TIAM1: variants seen among roughly 807,000 people sequenced by gnomAD.
TIAM1 encodes rho guanine nucleotide exchange factor TIAM1.
Under a neutral mutation model 163.5 loss-of-function variants are expected in TIAM1, and 65 were observed. The ratio of observed to expected loss-of-function variants is 0.40; its 90% CI spans 0.33 to 0.49. The LOEUF (loss-of-function observed/expected upper bound fraction) is 0.49, where lower values mean the gene tolerates loss of function less well. Among genes scored for constraint, TIAM1 ranks in the 20% least tolerant of loss-of-function variants. The pLI, the probability that TIAM1 is intolerant of heterozygous loss-of-function variation, is 0.77. For synonymous variants in TIAM1, 833 were observed against 810.1 expected (o/e 1.03, Z -0.48); for missense variants, 1,789 against 2,044.7 (o/e 0.87, Z 2.41).
chr21:31,365,431 C>T (rs1379646774), intron 2 of TIAM1, among the ~76,000 whole-genome samples: 1 of 148,570 alleles, frequency 6.7e-6, no homozygotes, highest in Non-Finnish European at 1.5e-5. Flanking sequence ...CTCTGTCGCC[C>T]AGGCTGGAGT....
intron 1 of TIAM1, among the ~76,000 whole-genome samples, chr21:31,490,951 C>T (rs1432894730): frequency 5.9e-5 from 9 of 152,092 alleles, no homozygotes; most frequent in Admixed American, 5.9e-4. Flanking sequence ...ATGGTGAAAC[C>T]CCGTCTCTAC....
chr21:31,502,429 C>T (rs1260820618), intron 1 of TIAM1, among the ~76,000 whole-genome samples: 1 of 152,128 alleles, frequency 6.6e-6, no homozygotes, highest in Non-Finnish European at 1.5e-5. Context: ...TAAGCCACCG[C>T]ACCCAGCCTG....
At chr21:31,375,505 T>A (rs1053114837) in intron 2 of TIAM1, among the ~76,000 whole-genome samples, 9 of 83,914 alleles carry the variant, frequency 1.1e-4, no homozygotes, top group Admixed American at 3.9e-4. Flanking sequence ...TTTCTGTTTT[T>A]TCAACTTCCC....
chr21:31,128,669 A>G (rs73191634), intron 25 of TIAM1, among the ~76,000 whole-genome samples: 4,753 of 152,288 alleles, frequency 0.031, 98 homozygotes, highest in Middle Eastern at 0.071. Flanking sequence ...TATATAAATC[A>G]ATTTTGCAAA....
At chr21:31,173,376 C>G (rs1262282409) in intron 15 of TIAM1, among the ~76,000 whole-genome samples, 1 of 152,110 alleles carries the variant, frequency 6.6e-6, no homozygotes, top group Non-Finnish European at 1.5e-5. Context: ...AGCTGGAACT[C>G]AACTGTTAGG....
chr21:31,415,187 A>C (rs1677035639), intron 2 of TIAM1, among the ~76,000 whole-genome samples: 1 of 152,226 alleles, frequency 6.6e-6, no homozygotes, highest in Non-Finnish European at 1.5e-5. Flanking sequence ...AAATCCCACT[A>C]TCCCATATAA....
At position 31,261,277 on chromosome 21, in the gene TIAM1, T is replaced by C. The variant is rs190721848; in HGVS notation, c.963+4733A>G. On this transcript the variant is annotated intron_variant, in intron 4 of 27. Coordinates refer to ENST00000541036, the MANE Select transcript of TIAM1 (RefSeq NM_001353694.2). ...CAGCCAAGTCCTTTTTTTTTTTTTT[T>C]GTATCTGTACCAAAATTGAGGGTTT... is the stretch of plus-strand genomic sequence containing the variant. Among the ~76,000 whole-genome samples, 472 of 150,982 alleles carry C rather than the reference T, an allele frequency of 3.1e-3. 3 individuals are homozygous for C. The highest frequency in any genetic ancestry group is 0.01 in the African/African-American group (423 of 40,668).
At chr21:31,210,572 A>AAAAGAAGGAAGGAAGGG (rs2086685294) in intron 10 of TIAM1, among the ~76,000 whole-genome samples, 7 of 121,780 alleles carry the variant, frequency 5.7e-5, no homozygotes, top group African/African-American at 2.8e-4. Flanking sequence ...GAAAGAAAGA[A>AAAAGAAGGAAGGAAGGG]AGAAAGAAAG....
intron 2 of TIAM1, among the ~76,000 whole-genome samples, chr21:31,392,994 T>C (rs1191433756): frequency 6.6e-6 from 1 of 151,472 alleles, no homozygotes; most frequent in East Asian, 1.9e-4. Flanking sequence ...CTCACTCTGT[T>C]GCCCGGGCTA....
intron 2 of TIAM1, among the ~76,000 whole-genome samples, chr21:31,460,728 CAA>C (rs1387982489): frequency 2.0e-5 from 3 of 152,234 alleles, no homozygotes; most frequent in African/African-American, 7.2e-5. Context: ...CTTCACACTT[CAA>C]AGACTGTTAA....
intron 1 of TIAM1, among the ~76,000 whole-genome samples, chr21:31,517,132 G>A (rs2047412165): frequency 6.6e-6 from 1 of 151,844 alleles, no homozygotes; most frequent in African/African-American, 2.4e-5. Flanking sequence ...CAAGCACTAT[G>A]TCAGGGTCTT....
At position 31,215,656 on chromosome 21, in the gene TIAM1, T is replaced by G. The variant is rs115168583; in HGVS notation, c.2142+1897A>C. 4.0e-3 allele frequency among the ~76,000 whole-genome samples: 605 copies of G among 152,166 alleles called. 5 individuals carry two copies. The highest frequency in any genetic ancestry group is 0.013 in the African/African-American group (557 of 41,504). ...TTTAACTGAGAACCATCAAGTCTCT[T>G]TTGTTATTTTTCTGATGAAATGTTG... On this transcript the variant is annotated intron_variant, in intron 9 of 27. Transcript: ENST00000541036.
intron 1 of TIAM1, among the ~76,000 whole-genome samples, chr21:31,502,897 C>T (rs186904403): frequency 1.1e-4 from 16 of 152,312 alleles, no homozygotes; most frequent in Admixed American, 8.5e-4. Context: ...GGCACCCTCA[C>T]ATTCCAAGCT....
At chr21:31,367,264 T>G (rs1359771634) in intron 2 of TIAM1, among the ~76,000 whole-genome samples, 5 of 152,116 alleles carry the variant, frequency 3.3e-5, no homozygotes, top group Non-Finnish European at 7.4e-5. Flanking sequence ...GCAAGCCCTA[T>G]GAACAGCAAA....
intron 2 of TIAM1, chr21:31,452,789 T>C: frequency 1.9e-6 from 1 of 528,850 alleles, no homozygotes; most frequent in Admixed American, 2.0e-5. Context: ...AAGACAGCAA[T>C]CATGATGAGA....
chr21:31,186,713 C>T (rs907585065), intron 14 of TIAM1, among the ~76,000 whole-genome samples: 3 of 151,794 alleles, frequency 2.0e-5, no homozygotes, highest in Non-Finnish European at 4.4e-5. Flanking sequence ...CCCAGGATTT[C>T]GATGCTACAG....
At chr21:31,316,720 A>C (rs746056076) in intron 2 of TIAM1, among the ~76,000 whole-genome samples, 1 of 152,200 alleles carries the variant, frequency 6.6e-6, no homozygotes, top group Non-Finnish European at 1.5e-5. Flanking sequence ...GGCTCTGGGA[A>C]GGTGAGTCAT....
chr21:31,530,329 G>C (rs1048959134), intron 1 of TIAM1, among the ~76,000 whole-genome samples: 2 of 152,206 alleles, frequency 1.3e-5, no homozygotes, highest in Non-Finnish European at 2.9e-5. Context: ...GGCAATTGAG[G>C]CTGAGACATT....
chr21:31,160,044 G>T (rs2083832296), intron 16 of TIAM1, among the ~76,000 whole-genome samples: 1 of 152,156 alleles, frequency 6.6e-6, no homozygotes, highest in Admixed American at 6.5e-5. Flanking sequence ...CGATCACTCG[G>T]ACAGCCCGTT....
Sources: gnomAD v4.1 joint callset for allele counts (sites outside exome capture counted in the v4.1 genomes callset) on GRCh38, gnomAD v4.1.1 for gene constraint, MANE v1.5 for transcripts, NCBI Gene and HGNC (gene_info 2026-07-23, HGNC 2026-07-21) for gene names.